AGFG1: variants seen among roughly 807,000 people sequenced by gnomAD.
AGFG1 encodes ArfGAP with FG repeats 1.
AGFG1 carries 10 observed loss-of-function variants against 60.6 expected under a neutral mutation model. That is an observed-to-expected ratio of 0.16 (90% CI 0.10 to 0.28). The LOEUF (loss-of-function observed/expected upper bound fraction) is 0.28, where lower values mean the gene tolerates loss of function less well. Among genes scored for constraint, AGFG1 ranks in the 10% least tolerant of loss-of-function variants. AGFG1 has a pLI of 1.00. For missense variants in AGFG1, 537 were observed against 676.5 expected (o/e 0.79, Z 2.29); for synonymous variants, 247 against 242.9 (o/e 1.02, Z -0.16).
At chr2:227,498,152 A>C (rs1349249452) in intron 2 of AGFG1, among the ~76,000 whole-genome samples, 2 of 152,110 alleles carry the variant, frequency 1.3e-5, no homozygotes, top group Non-Finnish European at 2.9e-5. Context: ...ATTAAAAAAA[A>C]ATTTTTTTCC....
At chr2:227,496,085 C>T (rs561491894) in intron 2 of AGFG1, among the ~76,000 whole-genome samples, 74 of 144,608 alleles carry the variant, frequency 5.1e-4, no homozygotes, top group African/African-American at 1.5e-3. Flanking sequence ...TGCACTTCAG[C>T]CTGGGCAACA....
Position 227,554,422 on chromosome 2 carries a change from ATGT to A in AGFG1, c.1630-12_1630-10del, listed in dbSNP as rs765160549. 1 of 1,607,518 alleles carries A rather than the reference ATGT, an allele frequency of 6.2e-7. No individual in the cohort carries two copies. The highest frequency in any genetic ancestry group is 1.7e-5 in the Admixed American group (1 of 58,902). ...TTTTGTCTCTTTATTTATTTGTCTT[ATGT>A]TTTCCTTTAGACTGGTGCACCAACA... On this transcript the variant is annotated splice_polypyrimidine_tract_variant and intron_variant, in intron 12 of 12. Transcript: ENST00000310078.
intron 12 of AGFG1, among the ~76,000 whole-genome samples, chr2:227,553,999 A>G (rs1692898149): frequency 6.6e-6 from 1 of 152,188 alleles, no homozygotes; most frequent in African/African-American, 2.4e-5. Flanking sequence ...CAAAGCATTG[A>G]TAGTTTTTAA....
intron 2 of AGFG1, among the ~76,000 whole-genome samples, chr2:227,504,508 T>A (rs1691254862): frequency 6.6e-6 from 1 of 152,208 alleles, no homozygotes; most frequent in South Asian, 2.1e-4. Flanking sequence ...GGTGTAACTT[T>A]TATTGAAAAA....
Position 227,558,814 on chromosome 2 carries a change from A to G in AGFG1, c.*4319A>G, listed in dbSNP as rs1693052656. 6.6e-6 allele frequency: 1 copy of G among 152,170 alleles called. No homozygotes were observed. Among genetic ancestry groups the G allele is most frequent in the African/African-American group, 2.4e-5 (1 of 41,456 alleles). 9.4% of individuals were successfully genotyped at this position (152,170 alleles called of 1,614,324 possible). ...TGTCTTCATGGTGATTTTACCTGCCAATCTGATGTCATTAAATGCAGTTTG... is the reference window on the plus strand; with the variant it reads ...TGTCTTCATGGTGATTTTACCTGCCGATCTGATGTCATTAAATGCAGTTTG... On this transcript the variant is annotated 3_prime_UTR_variant, in exon 13 of 13. Coordinates refer to ENST00000310078, the MANE Select transcript of AGFG1 (RefSeq NM_004504.5).
At chr2:227,551,676 T>G (rs1692824933) in intron 10 of AGFG1, among the ~76,000 whole-genome samples, 1 of 152,188 alleles carries the variant, frequency 6.6e-6, no homozygotes, top group Non-Finnish European at 1.5e-5. Flanking sequence ...CTGTTTAGAC[T>G]TGAATTTATA....
At position 227,555,020 on chromosome 2, in the gene AGFG1, T is replaced by A. The variant is rs921004675; in HGVS notation, c.*525T>A. On this transcript the variant is annotated 3_prime_UTR_variant, in exon 13 of 13. Coordinates refer to ENST00000310078, the MANE Select transcript of AGFG1 (RefSeq NM_004504.5). ...TCTAAAGAGCTCTTCTATTTATACATGCCTAAATTCTTTTAAAATGTAGAG... is the reference window on the plus strand; with the variant it reads ...TCTAAAGAGCTCTTCTATTTATACAAGCCTAAATTCTTTTAAAATGTAGAG... 7 of 152,664 alleles carry A rather than the reference T, an allele frequency of 4.6e-5. No individual in the cohort carries two copies. The highest frequency in any genetic ancestry group is 1.4e-4 in the African/African-American group (6 of 41,462). 9.5% of individuals were successfully genotyped at this position (152,664 alleles called of 1,614,324 possible).
At chr2:227,516,187 C>T (rs1451377115) in intron 2 of AGFG1, among the ~76,000 whole-genome samples, 5 of 152,184 alleles carry the variant, frequency 3.3e-5, no homozygotes, top group Non-Finnish European at 5.9e-5. Context: ...CTTTAGCCCA[C>T]TTCAGAATAA....
At chr2:227,539,604 G>A (rs1692419683) in intron 10 of AGFG1, among the ~76,000 whole-genome samples, 1 of 151,784 alleles carries the variant, frequency 6.6e-6, no homozygotes, top group East Asian at 1.9e-4. Context: ...AAAAATAAAT[G>A]GTGGCAGACA....
intron 7 of AGFG1, among the ~76,000 whole-genome samples, chr2:227,534,385 A>G (rs151221698): frequency 6.6e-6 from 1 of 152,324 alleles, no homozygotes; most frequent in East Asian, 1.9e-4. Context: ...GGCATATAGA[A>G]CAGTGCCTAG....
rs1324549396 is a variant in AGFG1 at position 227,472,295 on chromosome 2, C to G, written c.-127C>G. The G allele has an allele frequency of 1.9e-6, 1 of 526,422 alleles. No individual in the cohort carries two copies. 32.6% of individuals were successfully genotyped at this position (526,422 alleles called of 1,614,324 possible). A position where few individuals can be genotyped will look rare whatever the true frequency, so the allele number is the denominator to read the frequency against. On this transcript the variant is annotated 5_prime_UTR_variant, in exon 1 of 13. Transcript: ENST00000310078. Reference sequence around the variant, plus strand: ...ACAGCCAAGCCGCTGCGGCCGGGTCCGGCGCGGGCGGCGCGCGCAGACGGA... The same window carrying G: ...ACAGCCAAGCCGCTGCGGCCGGGTCGGGCGCGGGCGGCGCGCGCAGACGGA...
chr2:227,542,895 G>A (rs938859303), intron 10 of AGFG1, among the ~76,000 whole-genome samples: 67 of 149,756 alleles, frequency 4.5e-4, no homozygotes, highest in Non-Finnish European at 8.8e-4. Context: ...GGTGTTGTAT[G>A]TGTCCAGGAA....
chr2:227,498,245 A>G (rs530967635), intron 2 of AGFG1, among the ~76,000 whole-genome samples: 82 of 152,346 alleles, frequency 5.4e-4, no homozygotes, highest in Middle Eastern at 3.4e-3. Context: ...GAAAATAAGT[A>G]TCACATAGGA....
chr2:227,505,958 G>T (rs1691300537), intron 2 of AGFG1, among the ~76,000 whole-genome samples: 1 of 152,140 alleles, frequency 6.6e-6, no homozygotes, highest in Admixed American at 6.5e-5. Flanking sequence ...TGGCCAGGCT[G>T]GTCTTGAACT....
intron 2 of AGFG1, among the ~76,000 whole-genome samples, chr2:227,498,918 ATCT>A (rs2106179386): frequency 6.6e-6 from 1 of 152,312 alleles, no homozygotes; most frequent in African/African-American, 2.4e-5. Flanking sequence ...CTTCTAAAAA[ATCT>A]TACTTGACTC....
intron 10 of AGFG1, among the ~76,000 whole-genome samples, chr2:227,540,642 G>A (rs1692463363): frequency 6.6e-6 from 1 of 152,188 alleles, no homozygotes; most frequent in African/African-American, 2.4e-5. Context: ...CGTGAATAGT[G>A]CCGCAGTAAA....
At chr2:227,484,394 C>G (rs879357402) in intron 1 of AGFG1, among the ~76,000 whole-genome samples, 2 of 151,994 alleles carry the variant, frequency 1.3e-5, no homozygotes, top group Non-Finnish European at 2.9e-5. Flanking sequence ...ACCATGTTGG[C>G]CAGGCTGCTC....
At chr2:227,485,763 A>C (rs932293956) in intron 1 of AGFG1, among the ~76,000 whole-genome samples, 1 of 151,982 alleles carries the variant, frequency 6.6e-6, no homozygotes, top group African/African-American at 2.4e-5. Flanking sequence ...GAAAATTCTG[A>C]TTTTTAAATT....
chr2:227,523,301 A>C (rs1691877410), intron 3 of AGFG1, among the ~76,000 whole-genome samples: 1 of 152,192 alleles, frequency 6.6e-6, no homozygotes. Flanking sequence ...GGATGATCTT[A>C]TTCTTACAGA....
Sources: gnomAD v4.1 joint callset for allele counts (sites outside exome capture counted in the v4.1 genomes callset) on GRCh38, gnomAD v4.1.1 for gene constraint, MANE v1.5 for transcripts, NCBI Gene and HGNC (gene_info 2026-07-23, HGNC 2026-07-21) for gene names.